Variants in SMCHD1 observed in about 807,000 individuals in gnomAD.
SMCHD1 encodes structural maintenance of chromosomes flexible hinge domain-containing protein 1.
In SMCHD1, 78 loss-of-function variants were observed where a neutral mutation model predicts 254.7. That is an observed-to-expected ratio of 0.31 (90% CI 0.26 to 0.37). The LOEUF (loss-of-function observed/expected upper bound fraction) is 0.37. SMCHD1 is among the 10% of genes least tolerant of loss of function. The pLI is 1.00. For synonymous variants in SMCHD1, 766 were observed against 794.9 expected (o/e 0.96, Z 0.61); for missense variants, 1,840 against 2,408.1 (o/e 0.76, Z 4.94).
At chr18:2,737,665 T>C (rs1175368276) in intron 25 of SMCHD1, among the ~76,000 whole-genome samples, 2 of 152,070 alleles carry the variant, frequency 1.3e-5, no homozygotes, top group Non-Finnish European at 1.5e-5. Context: ...TGAGCTATGA[T>C]CATTGCACTC....
In SMCHD1 at chr18:2,724,881, A is replaced by G. The variant is rs914077257; in HGVS notation, c.2604-18A>G. 1.3e-6 allele frequency: 2 copies of G among 1,498,518 alleles called. No individual in the cohort carries two copies. The highest frequency in any genetic ancestry group is 9.1e-7 in the Non-Finnish European group (1 of 1,103,622). The allele number at this position is 1,498,518 out of a possible 1,614,324, so 92.8% of individuals were successfully genotyped here. A position where few individuals can be genotyped will look rare whatever the true frequency, so the allele number is the denominator to read the frequency against. On this transcript the variant is annotated intron_variant, in intron 20 of 47. Transcript: ENST00000320876. ...GTAGGCAATTGAGGGGAGTTAAAAA[A>G]TAATTTTTTTTCCCCAGTGGTTTAT...
At chr18:2,769,378 A>G (rs945908253) in intron 37 of SMCHD1, among the ~76,000 whole-genome samples, 5 of 152,188 alleles carry the variant, frequency 3.3e-5, no homozygotes, top group African/African-American at 7.2e-5. Flanking sequence ...TTACAGGTCA[A>G]AATTTTAAGT....
At chr18:2,778,338 C>G in intron 44 of SMCHD1, 99 bp downstream of exon 44, 1 of 794,238 alleles carries the variant, frequency 1.3e-6, no homozygotes, top group Non-Finnish European at 1.9e-6. Flanking sequence ...TTTTCAAAAC[C>G]AATTTAAATT....
chr18:2,744,310 A>G (rs1302178690), intron 29 of SMCHD1, among the ~76,000 whole-genome samples: 1 of 152,156 alleles, frequency 6.6e-6, no homozygotes, highest in Non-Finnish European at 1.5e-5. Context: ...TTTTTATTGG[A>G]GTTTTAAAAA....
chr18:2,781,539 A>G (rs2076156617), intron 44 of SMCHD1, among the ~76,000 whole-genome samples: 1 of 152,218 alleles, frequency 6.6e-6, no homozygotes, highest in South Asian at 2.1e-4. Flanking sequence ...AAGTGTTAAT[A>G]TTTGATTAAT....
At chr18:2,784,849 T>C (rs376810691) in intron 45 of SMCHD1, 12 of 544,448 alleles carry the variant, frequency 2.2e-5, no homozygotes, top group African/African-American at 2.1e-4. Context: ...ATGTAGTGCA[T>C]GCCTGTGTTC....
chr18:2,700,030 T>C (rs1170990928), intron 10 of SMCHD1, among the ~76,000 whole-genome samples: 1 of 152,252 alleles, frequency 6.6e-6, no homozygotes, highest in African/African-American at 2.4e-5. Flanking sequence ...TCTGTGTACA[T>C]TTTTCATGCT....
At chr18:2,781,748 T>A (rs937791593) in intron 44 of SMCHD1, among the ~76,000 whole-genome samples, 2 of 152,134 alleles carry the variant, frequency 1.3e-5, no homozygotes, top group Admixed American at 6.5e-5. Context: ...TGAACAGGTT[T>A]AACATCTTAA....
intron 45 of SMCHD1, among the ~76,000 whole-genome samples, chr18:2,790,984 G>GTT (rs1568397215): frequency 6.6e-6 from 1 of 152,132 alleles, no homozygotes; most frequent in African/African-American, 2.4e-5. Flanking sequence ...TGTAGATTGT[G>GTT]TAACAGTATA....
chr18:2,705,948 A>T, intron 14 of SMCHD1, 141 bp downstream of exon 14: 1 of 533,040 alleles, frequency 1.9e-6, no homozygotes, highest in Non-Finnish European at 3.3e-6. Context: ...TTTATGTGTC[A>T]TAAGTTGATG....
intron 3 of SMCHD1, among the ~76,000 whole-genome samples, chr18:2,670,641 C>G (rs2143825480): frequency 6.6e-6 from 1 of 152,268 alleles, no homozygotes; most frequent in African/African-American, 2.4e-5. Flanking sequence ...GGGCTCACGC[C>G]TGTAATCCCA....
At chr18:2,771,236 T>C (rs1598428320) in intron 39 of SMCHD1, among the ~76,000 whole-genome samples, 1 of 152,240 alleles carries the variant, frequency 6.6e-6, no homozygotes, top group East Asian at 1.9e-4. Context: ...TGCAATTATG[T>C]ATAAATTATG....
chr18:2,784,931 G>T, intron 45 of SMCHD1: 1 of 408,984 alleles, frequency 2.4e-6, no homozygotes, highest in Non-Finnish European at 4.6e-6. Flanking sequence ...GGGCAACGTA[G>T]CAAGACTCCA....
At chr18:2,667,924 G>C (rs189858483) in intron 3 of SMCHD1, among the ~76,000 whole-genome samples, 1 of 152,104 alleles carries the variant, frequency 6.6e-6, no homozygotes, top group Admixed American at 6.5e-5. Context: ...CTGTCACCCT[G>C]GCTGGAGTGC....
intron 30 of SMCHD1, among the ~76,000 whole-genome samples, chr18:2,749,298 G>T (rs1450980008): frequency 6.6e-6 from 1 of 151,986 alleles, no homozygotes; most frequent in Non-Finnish European, 1.5e-5. Flanking sequence ...TACTCTTTAG[G>T]TTCTATTAAG....
rs554804105 is a variant in SMCHD1 at position 2,792,093 on chromosome 18, A to G, written c.5720-3856A>G. ...ATTTGCTCCTTTAAACTTTACCAAT[A>G]AAGTACAAAAAGAGTTCATAGAGTT... On this transcript the variant is annotated intron_variant, in intron 45 of 47. Transcript: ENST00000320876. Among the ~76,000 whole-genome samples the G allele has an allele frequency of 2.0e-5, 3 of 152,326 alleles. No individual in the cohort carries two copies. The East Asian group carries it at 5.8e-4, about 29-fold the overall frequency.
intron 44 of SMCHD1, among the ~76,000 whole-genome samples, chr18:2,784,181 C>T (rs1372610435): frequency 6.6e-6 from 1 of 152,248 alleles, no homozygotes; most frequent in Non-Finnish European, 1.5e-5. Flanking sequence ...GGCCTGTCCT[C>T]TTCCTTCCAC....
At chr18:2,679,702 G>T (rs1351096077) in intron 5 of SMCHD1, among the ~76,000 whole-genome samples, 1 of 151,988 alleles carries the variant, frequency 6.6e-6, no homozygotes, top group African/African-American at 2.4e-5. Flanking sequence ...GTGTCTAGGT[G>T]TGGATTTGAG....
Position 2,666,242 on chromosome 18 carries a change from C to T in SMCHD1, c.262+10C>T. Reference sequence around the variant, plus strand: ...ACCTGTGATAATTTTGGTAGGTAAACAGTGTTACTAAGTTGATGCTTTTAT... The same window carrying T: ...ACCTGTGATAATTTTGGTAGGTAAATAGTGTTACTAAGTTGATGCTTTTAT... On this transcript the variant is annotated intron_variant, in intron 2 of 47. Coordinates refer to ENST00000320876, the MANE Select transcript of SMCHD1 (RefSeq NM_015295.3). 1 of 1,345,250 alleles carries T rather than the reference C, an allele frequency of 7.4e-7. No individual in the cohort carries two copies. The highest frequency in any genetic ancestry group is 1.1e-6 in the Non-Finnish European group (1 of 949,114). The allele number at this position is 1,345,250 out of a possible 1,614,324, so 83.3% of individuals were successfully genotyped here.
Sources: gnomAD v4.1 joint callset for allele counts (sites outside exome capture counted in the v4.1 genomes callset) on GRCh38, gnomAD v4.1.1 for gene constraint, MANE v1.5 for transcripts, NCBI Gene and HGNC (gene_info 2026-07-23, HGNC 2026-07-21) for gene names.